The following CPA6 variants were observed in gnomAD, a reference collection of about 807,000 sequenced individuals.
The protein encoded by CPA6 is carboxypeptidase B.
Under a neutral mutation model 63.3 loss-of-function variants are expected in CPA6, and 58 were observed. The observed-to-expected ratio is 0.92, with a 90% CI of 0.74 to 1.14. The LOEUF (loss-of-function observed/expected upper bound fraction) is 1.14, where lower values mean the gene tolerates loss of function less well. Among genes scored for constraint, CPA6 ranks in the 50% most tolerant of loss-of-function variants. The pLI, the probability that CPA6 is intolerant of heterozygous loss-of-function variation, is 0.00. For synonymous variants in CPA6, 185 were observed against 179.0 expected (o/e 1.03, Z -0.27); for missense variants, 565 against 526.6 (o/e 1.07, Z -0.71).
chr8:67,497,842 C>G (rs1019560452), intron 6 of CPA6, among the ~76,000 whole-genome samples: 1 of 152,054 alleles, frequency 6.6e-6, no homozygotes, highest in African/African-American at 2.4e-5. Context: ...CAGGCATGCA[C>G]CACCATGGCC....
At chr8:67,462,842 A>T (rs1810842950) in intron 8 of CPA6, among the ~76,000 whole-genome samples, 1 of 152,198 alleles carries the variant, frequency 6.6e-6, no homozygotes, top group African/African-American at 2.4e-5. Context: ...CTGAAGAAAC[A>T]TTCCAAAGTA....
chr8:67,530,412 T>C (rs1455891810), intron 2 of CPA6, among the ~76,000 whole-genome samples: 4 of 152,062 alleles, frequency 2.6e-5, no homozygotes, highest in Non-Finnish European at 5.9e-5. Flanking sequence ...CCAGACCAAA[T>C]TACATCATCA....
rs948341009 is a variant in CPA6 at position 67,422,341 on chromosome 8, A to T, written c.*163T>A. On this transcript the variant is annotated 3_prime_UTR_variant, in exon 11 of 11. Coordinates refer to ENST00000297770, the MANE Select transcript of CPA6 (RefSeq NM_020361.5). ...CAAACTAGGCTATGCCCTGTTTTTTACTGTTTTCTATTGCCACAAAGTCAA... is the reference window on the plus strand; with the variant it reads ...CAAACTAGGCTATGCCCTGTTTTTTTCTGTTTTCTATTGCCACAAAGTCAA... The T allele has an allele frequency of 5.9e-6, 3 of 508,830 alleles. No homozygotes were observed. Among genetic ancestry groups the T allele is most frequent in the African/African-American group, 1.9e-5 (1 of 52,904 alleles). 31.5% of individuals were successfully genotyped at this position (508,830 alleles called of 1,614,324 possible).
At chr8:67,610,578 G>A (rs149580277) in intron 2 of CPA6, among the ~76,000 whole-genome samples, 2 of 152,256 alleles carry the variant, frequency 1.3e-5, no homozygotes, top group East Asian at 1.9e-4. Flanking sequence ...AGCTAAGCAG[G>A]TTGCTGGAGG....
At chr8:67,720,039 C>T (rs1410600292) in intron 1 of CPA6, among the ~76,000 whole-genome samples, 1 of 151,798 alleles carries the variant, frequency 6.6e-6, no homozygotes, top group East Asian at 1.9e-4. Context: ...CACCTGGGGG[C>T]AGGTGGGCTG....
At chr8:67,429,855 C>T (rs1365215686) in intron 9 of CPA6, among the ~76,000 whole-genome samples, 1 of 152,104 alleles carries the variant, frequency 6.6e-6, no homozygotes, top group Non-Finnish European at 1.5e-5. Context: ...CCTATTTACA[C>T]AAAGGAGATG....
chr8:67,518,492 T>A (rs1407215319), intron 2 of CPA6, among the ~76,000 whole-genome samples: 1 of 147,894 alleles, frequency 6.8e-6, no homozygotes. Flanking sequence ...GTCTTTTTTT[T>A]CTTTTTCTTT....
rs1321459085 is a variant in CPA6 at position 67,607,110 on chromosome 8, TCC to T, written c.192+17064_192+17065del. On this transcript the variant is annotated intron_variant, in intron 2 of 10. Coordinates refer to ENST00000297770, the MANE Select transcript of CPA6 (RefSeq NM_020361.5). ...TCCTCTTCTTCTTCTTCTTCTTTCC[TCC>T]TCCTCCTCCTCCTCCTCCTCCTCCC... is the stretch of plus-strand genomic sequence containing the variant. Among the ~76,000 whole-genome samples, 16 of 59,262 alleles carry T rather than the reference TCC, an allele frequency of 2.7e-4. No individual in the cohort carries two copies. The East Asian group carries it at 2.9e-3, about 11-fold the overall frequency. 38.9% of individuals were successfully genotyped at this position (59,262 alleles called of 152,430 possible). A position where few individuals can be genotyped will look rare whatever the true frequency, so the allele number is the denominator to read the frequency against.
chr8:67,745,920 C>T (rs1817998242), intron 1 of CPA6, 94 bp downstream of exon 1: 1 of 758,082 alleles, frequency 1.3e-6, no homozygotes, highest in East Asian at 2.6e-5. Context: ...CACTCAGAGA[C>T]CCCCAAATCA....
At chr8:67,713,854 A>C (rs543859375) in intron 1 of CPA6, among the ~76,000 whole-genome samples, 1 of 152,168 alleles carries the variant, frequency 6.6e-6, no homozygotes, top group Non-Finnish European at 1.5e-5. Flanking sequence ...TGTTGCATAC[A>C]TTTCTGATTT....
chr8:67,500,693 A>T (rs1811813792), intron 6 of CPA6, among the ~76,000 whole-genome samples: 1 of 151,064 alleles, frequency 6.6e-6, no homozygotes, highest in African/African-American at 2.5e-5. Flanking sequence ...TAAATTCATG[A>T]TCAATTTTGA....
chr8:67,431,202 C>G (rs1810020290), intron 9 of CPA6, among the ~76,000 whole-genome samples: 1 of 151,636 alleles, frequency 6.6e-6, no homozygotes, highest in African/African-American at 2.4e-5. Context: ...ATAGGCTTAA[C>G]TTAAGGTGGG....
At chr8:67,680,363 T>C (rs1816566409) in intron 1 of CPA6, among the ~76,000 whole-genome samples, 1 of 151,674 alleles carries the variant, frequency 6.6e-6, no homozygotes, top group Non-Finnish European at 1.5e-5. Flanking sequence ...ATTAGCCAGG[T>C]GTGGTGGTGT....
In CPA6 at chr8:67,636,767, C is replaced by T. The variant is rs1035508281; in HGVS notation, c.117-12516G>A. 6.6e-5 allele frequency among the ~76,000 whole-genome samples: 10 copies of T among 151,438 alleles called. 1 individual carries two copies. The highest frequency in any genetic ancestry group is 2.0e-4 in the African/African-American group (8 of 40,828). On this transcript the variant is annotated intron_variant, in intron 1 of 10. Coordinates refer to ENST00000297770, the MANE Select transcript of CPA6 (RefSeq NM_020361.5). ...ACTTACTTAAAAAAAATGTCATCCC[C>T]GAGCACAAAGAAATCCATTAGGTAA... is the stretch of plus-strand genomic sequence containing the variant.
intron 8 of CPA6, 77 bp downstream of exon 8, chr8:67,483,691 G>A: frequency 8.6e-7 from 1 of 1,159,526 alleles, no homozygotes; most frequent in Non-Finnish European, 1.3e-6. Context: ...TCCCATGAGA[G>A]TCCTCTGGAC....
intron 9 of CPA6, among the ~76,000 whole-genome samples, chr8:67,432,572 G>C (rs981978886): frequency 6.6e-5 from 10 of 152,056 alleles, no homozygotes; most frequent in African/African-American, 2.4e-4. Flanking sequence ...TGATCCTCCT[G>C]TTCCAGCCTC....
At chr8:67,563,002 C>T (rs1243255301) in intron 2 of CPA6, among the ~76,000 whole-genome samples, 3 of 151,902 alleles carry the variant, frequency 2.0e-5, no homozygotes, top group Admixed American at 6.6e-5. Context: ...CCCAAAGGAT[C>T]GTAAGCTCTT....
intron 3 of CPA6, among the ~76,000 whole-genome samples, chr8:67,515,993 C>A (rs1322171167): frequency 6.6e-6 from 1 of 152,186 alleles, no homozygotes; most frequent in African/African-American, 2.4e-5. Context: ...GATGCTCCTG[C>A]CTTCCAATCC....
chr8:67,701,111 T>C (rs533835229), intron 1 of CPA6, among the ~76,000 whole-genome samples: 5 of 152,272 alleles, frequency 3.3e-5, no homozygotes, highest in South Asian at 4.1e-4. Context: ...GGAAAGAGCA[T>C]GGAGTTTGAA....
Sources: gnomAD v4.1 joint callset for allele counts (sites outside exome capture counted in the v4.1 genomes callset) on GRCh38, gnomAD v4.1.1 for gene constraint, MANE v1.5 for transcripts, NCBI Gene and HGNC (gene_info 2026-07-23, HGNC 2026-07-21) for gene names.